Variants in CHIC1 observed in about 807,000 individuals in gnomAD.
The protein encoded by CHIC1 is cysteine-rich hydrophobic domain-containing protein 1.
A neutral mutation model predicts 18.5 loss-of-function variants in CHIC1; 7 were observed. The observed-to-expected ratio is 0.38, with a 90% CI of 0.22 to 0.71. The LOEUF (loss-of-function observed/expected upper bound fraction) is 0.71. Among genes scored for constraint, CHIC1 ranks in the 30% least tolerant of loss-of-function variants. The pLI is 0.49. For missense variants in CHIC1, 159 were observed against 176.9 expected, an observed-to-expected ratio of 0.90 and a Z score of 0.57; for synonymous variants, 77 against 73.5, an observed-to-expected ratio of 1.05 and a Z score of -0.25.
rs771887595 is a variant in CHIC1 at position 73,664,914 on chromosome X, C to A, written c.508-14412C>A. On this transcript the variant is annotated intron_variant, in intron 3 of 5. Coordinates refer to ENST00000373502, the MANE Select transcript of CHIC1 (RefSeq NM_001039840.4). ...GTTGTTTTAGTTAGCACTGACTAGTCCCATGGGGTCATACAGAAGTTGTCT... is the reference window on the plus strand; with the variant it reads ...GTTGTTTTAGTTAGCACTGACTAGTACCATGGGGTCATACAGAAGTTGTCT... Among the ~76,000 whole-genome samples, 4 of 111,928 alleles carry A rather than the reference C, an allele frequency of 3.6e-5. No homozygotes were observed. The Admixed American group carries it at 3.8e-4, about 11-fold the overall frequency.
chrX:73,615,137 G>A (rs774007819), intron 3 of CHIC1, among the ~76,000 whole-genome samples: 2 of 111,935 alleles, frequency 1.8e-5, no homozygotes, highest in South Asian at 7.4e-4. Flanking sequence ...AGTTGTAAAA[G>A]CATCAGTGGT....
chrX:73,659,697 CAT>C (rs1223745120), intron 3 of CHIC1, among the ~76,000 whole-genome samples: 1 of 111,572 alleles, frequency 9.0e-6, no homozygotes, highest in African/African-American at 3.3e-5. Context: ...ATAAGGAAAA[CAT>C]ATGGTTGGGT....
At position 73,659,947 on chromosome X, in the gene CHIC1, G is replaced by A. The variant is rs183630331; in HGVS notation, c.508-19379G>A. Among the ~76,000 whole-genome samples, 19 of 111,585 alleles carry A rather than the reference G, an allele frequency of 1.7e-4. 1 individual carries two copies. In the South Asian group the frequency reaches 1.9e-3, roughly 11 times the overall value. Reference sequence around the variant, plus strand: ...AACTGTCATTGATGCCATGATAGACGCGGACATCAGTATGATCACCCTGAA... The same window carrying A: ...AACTGTCATTGATGCCATGATAGACACGGACATCAGTATGATCACCCTGAA... On this transcript the variant is annotated intron_variant, in intron 3 of 5. Transcript: ENST00000373502.
rs1263178399 is a variant in CHIC1, at chrX:73,682,363, C to G, written c.*1358C>G. On this transcript the variant is annotated 3_prime_UTR_variant, in exon 6 of 6. Coordinates refer to ENST00000373502, the MANE Select transcript of CHIC1 (RefSeq NM_001039840.4). ...TCAGTATAATGAAAGCTTTATATCACATTAATTCAACTGCAAATGTATGCC... is the reference window on the plus strand; with the variant it reads ...TCAGTATAATGAAAGCTTTATATCAGATTAATTCAACTGCAAATGTATGCC... 1 of 111,758 alleles carries G rather than the reference C, an allele frequency of 8.9e-6. No homozygotes were observed. Among genetic ancestry groups the G allele is most frequent in the East Asian group, 2.8e-4 (1 of 3,560 alleles). 9.2% of individuals were successfully genotyped at this position (111,758 alleles called of 1,213,427 possible).
chrX:73,577,281 T>G lies in CHIC1; in HGVS notation c.297-126T>G. ...TTCTATAAATGTCATATAAAAATTT[T>G]TCAGGGCACATTTTTAAATTAAAAG... is the stretch of plus-strand genomic sequence containing the variant. On this transcript the variant is annotated intron_variant, in intron 1 of 5. Transcript: ENST00000373502. 7.3e-6 allele frequency: 3 copies of G among 410,642 alleles called. No individual in the cohort carries two copies. In the South Asian group the frequency reaches 2.2e-4, roughly 31 times the overall value. The allele number at this position is 410,642 out of a possible 1,213,427, so 33.8% of individuals were successfully genotyped here. A position where few individuals can be genotyped will look rare whatever the true frequency, so the allele number is the denominator to read the frequency against.
chrX:73,610,285 G>A (rs1226351970), intron 3 of CHIC1, among the ~76,000 whole-genome samples: 1 of 109,364 alleles, frequency 9.1e-6, no homozygotes, highest in Non-Finnish European at 1.9e-5. Context: ...GGCATGGGTA[G>A]CACAGTCCCT....
rs1299547967 is a variant in CHIC1, at chrX:73,686,095, T to A, written c.*5090T>A. On this transcript the variant is annotated 3_prime_UTR_variant, in exon 6 of 6. Coordinates refer to ENST00000373502, the MANE Select transcript of CHIC1 (RefSeq NM_001039840.4). ...CTCAAAAGCTGTGAATGGCAGTATGTTTTTGATTAATAATAAAATAAGAAA... is the reference window on the plus strand; with the variant it reads ...CTCAAAAGCTGTGAATGGCAGTATGATTTTGATTAATAATAAAATAAGAAA... 1 of 111,841 alleles carries A rather than the reference T, an allele frequency of 8.9e-6. No homozygotes were observed. The highest frequency in any genetic ancestry group is 2.8e-4 in the East Asian group (1 of 3,571). 9.2% of individuals were successfully genotyped at this position (111,841 alleles called of 1,213,427 possible).
chrX:73,569,632 T>C (rs1303947999), intron 1 of CHIC1, among the ~76,000 whole-genome samples: 2 of 111,801 alleles, frequency 1.8e-5, no homozygotes, highest in Non-Finnish European at 3.8e-5. Context: ...CTTAACTTAA[T>C]GGTTTGTTTA....
chrX:73,588,073 C>T (rs190093031), intron 3 of CHIC1, among the ~76,000 whole-genome samples: 26 of 111,623 alleles, frequency 2.3e-4, no homozygotes, highest in Non-Finnish European at 3.8e-4. Context: ...CTTTTCTGGT[C>T]AGCTTGAGAG....
intron 3 of CHIC1, among the ~76,000 whole-genome samples, chrX:73,585,478 A>T (rs776207653): frequency 7.8e-4 from 87 of 111,216 alleles, no homozygotes; most frequent in African/African-American, 2.6e-3. Flanking sequence ...AATATTGCTT[A>T]GTCTATTGTT....
intron 3 of CHIC1, among the ~76,000 whole-genome samples, chrX:73,660,011 C>G (rs1164095136): frequency 8.9e-6 from 1 of 112,006 alleles, no homozygotes; most frequent in African/African-American, 3.2e-5. Flanking sequence ...TTATAATTGC[C>G]TAACTGGAGG....
intron 3 of CHIC1, among the ~76,000 whole-genome samples, chrX:73,675,664 A>T (rs2147629794): frequency 8.9e-6 from 1 of 111,791 alleles, no homozygotes; most frequent in East Asian, 2.8e-4. Flanking sequence ...CAGCACACTG[A>T]CGAGTCTTGA....
Position 73,608,462 on chromosome X carries a change from C to T in CHIC1, c.507+23890C>T, listed in dbSNP as rs139157204. Among the ~76,000 whole-genome samples the T allele has an allele frequency of 8.9e-4, 96 of 107,955 alleles. 10 individuals are homozygous for T. Among genetic ancestry groups the T allele is most frequent in the African/African-American group, 3.1e-3 (86 of 27,658 alleles). The allele number at this position is 107,955 out of a possible 115,157, so 93.7% of individuals were successfully genotyped here. On this transcript the variant is annotated intron_variant, in intron 3 of 5. Transcript: ENST00000373502. Reference sequence around the variant, plus strand: ...GTCATTGAGATTCTGATAGGGATTACATTCAATCGGTACATTTTTCGGGGG... The same window carrying T: ...GTCATTGAGATTCTGATAGGGATTATATTCAATCGGTACATTTTTCGGGGG...
At chrX:73,642,412 G>T (rs2057861808) in intron 3 of CHIC1, among the ~76,000 whole-genome samples, 1 of 111,068 alleles carries the variant, frequency 9.0e-6, no homozygotes, top group African/African-American at 3.3e-5. Flanking sequence ...GTAGATTCTG[G>T]ATATCAGCCC....
chrX:73,616,243 A>G (rs1039964953), intron 3 of CHIC1, among the ~76,000 whole-genome samples: 4 of 111,389 alleles, frequency 3.6e-5, no homozygotes, highest in African/African-American at 1.3e-4. Context: ...CTTAGGACCC[A>G]TAAGCATCTA....
At chrX:73,615,787 G>A (rs2057729934) in intron 3 of CHIC1, among the ~76,000 whole-genome samples, 1 of 111,053 alleles carries the variant, frequency 9.0e-6, no homozygotes, top group Non-Finnish European at 1.9e-5. Context: ...ATGTTTGGCT[G>A]GGGGCAACAG....
At chrX:73,679,510 A>T in intron 4 of CHIC1, 128 bp downstream of exon 4, 1 of 559,808 alleles carries the variant, frequency 1.8e-6, no homozygotes, top group South Asian at 3.5e-5. Flanking sequence ...AATTTTTAAT[A>T]TATATTCTTT....
rs1303363530 is a variant in CHIC1 at position 73,686,442 on chromosome X, A to T, written c.*5437A>T. On this transcript the variant is annotated 3_prime_UTR_variant, in exon 6 of 6. Coordinates refer to ENST00000373502, the MANE Select transcript of CHIC1 (RefSeq NM_001039840.4). The stretch of plus-strand genomic sequence containing the variant: ...GGATTACAAATGTGGAAAATGTTAT[A>T]ATGTCATATTCTAGCATTGGACTAA... 1.5e-4 allele frequency: 17 copies of T among 111,692 alleles called. No individual in the cohort carries two copies. The highest frequency in any genetic ancestry group is 1.3e-4 in the Non-Finnish European group (7 of 52,964). The allele number at this position is 111,692 out of a possible 1,213,427, so 9.2% of individuals were successfully genotyped here. A position where few individuals can be genotyped will look rare whatever the true frequency, so the allele number is the denominator to read the frequency against.
At chrX:73,600,413 G>A (rs1209780136) in intron 3 of CHIC1, among the ~76,000 whole-genome samples, 1 of 101,607 alleles carries the variant, frequency 9.8e-6, no homozygotes, top group Non-Finnish European at 2.0e-5. Flanking sequence ...TCTTGTGCCA[G>A]TTTTCAAAGG....
Sources: gnomAD v4.1 joint callset for allele counts (sites outside exome capture counted in the v4.1 genomes callset) on GRCh38, gnomAD v4.1.1 for gene constraint, MANE v1.5 for transcripts, NCBI Gene and HGNC (gene_info 2026-07-23, HGNC 2026-07-21) for gene names.